Variants in TRPM3 observed in about 807,000 individuals in gnomAD.
TRPM3 encodes transient receptor potential cation channel subfamily M member 3.
A neutral mutation model predicts 181.2 loss-of-function variants in TRPM3; 77 were observed. That is an observed-to-expected ratio of 0.42 (90% CI 0.35 to 0.51). The LOEUF is 0.51. Among genes scored for constraint, TRPM3 ranks in the 20% least tolerant of loss-of-function variants. The probability of loss-of-function intolerance (pLI) is 0.01; values close to 1 mark genes in which losing one functional copy is unlikely to be tolerated. For missense variants in TRPM3, 1,759 were observed against 2,196.7 expected (o/e 0.80, Z 3.98); for synonymous variants, 745 against 796.4 (o/e 0.94, Z 1.09).
At chr9:70,989,246 A>G (rs898478333) in intron 1 of TRPM3, among the ~76,000 whole-genome samples, 1 of 152,230 alleles carries the variant, frequency 6.6e-6, no homozygotes, top group Non-Finnish European at 1.5e-5. Context: ...CTAAGCTTAT[A>G]TCTATAACAT....
chr9:71,338,853 G>C (rs1198306728), intron 1 of TRPM3, among the ~76,000 whole-genome samples: 1 of 152,108 alleles, frequency 6.6e-6, no homozygotes, highest in Non-Finnish European at 1.5e-5. Context: ...ACAAGGCAAA[G>C]ATGTCGAATA....
At chr9:70,578,369 T>G (rs1193136264) in intron 22 of TRPM3, among the ~76,000 whole-genome samples, 1 of 152,034 alleles carries the variant, frequency 6.6e-6, no homozygotes, top group African/African-American at 2.4e-5. Flanking sequence ...TGTTGAAGTT[T>G]GCTAGACTCC....
intron 3 of TRPM3, among the ~76,000 whole-genome samples, chr9:70,848,976 C>CAAAAA (rs749477799): frequency 3.3e-4 from 4 of 11,968 alleles, no homozygotes; most frequent in Non-Finnish European, 4.7e-4. Flanking sequence ...GACTCCGTCT[C>CAAAAA]AAAAAAAAAA....
At chr9:71,370,833 C>T (rs1299494484) in intron 1 of TRPM3, among the ~76,000 whole-genome samples, 1 of 152,162 alleles carries the variant, frequency 6.6e-6, no homozygotes, top group Non-Finnish European at 1.5e-5. Flanking sequence ...GAAGTCAATT[C>T]TTCAAAGTTT....
intron 8 of TRPM3, among the ~76,000 whole-genome samples, chr9:70,745,818 A>G (rs1398754785): frequency 6.6e-6 from 1 of 152,158 alleles, no homozygotes; most frequent in Non-Finnish European, 1.5e-5. Flanking sequence ...TGTCCACTAA[A>G]ATGATCAAGA....
chr9:71,193,604 T>G (rs2078164534), intron 1 of TRPM3, among the ~76,000 whole-genome samples: 1 of 151,884 alleles, frequency 6.6e-6, no homozygotes. Context: ...CTGAAATTTA[T>G]CTATTAAATC....
At chr9:71,217,096 G>A (rs1051361515) in intron 1 of TRPM3, among the ~76,000 whole-genome samples, 4 of 150,818 alleles carry the variant, frequency 2.7e-5, no homozygotes, top group Non-Finnish European at 4.4e-5. Context: ...GACTACAGGC[G>A]CCCGCTACCA....
At chr9:71,276,167 TG>T (rs1430516463) in intron 1 of TRPM3, among the ~76,000 whole-genome samples, 1 of 152,128 alleles carries the variant, frequency 6.6e-6, no homozygotes, top group African/African-American at 2.4e-5. Flanking sequence ...ACAAATAAAT[TG>T]CACTGGAACA....
At chr9:71,112,491 G>C (rs1210227879) in intron 1 of TRPM3, among the ~76,000 whole-genome samples, 1 of 151,992 alleles carries the variant, frequency 6.6e-6, no homozygotes, top group African/African-American at 2.4e-5. Context: ...TCAAGGTCAA[G>C]GTATTCTTTA....
intron 8 of TRPM3, among the ~76,000 whole-genome samples, chr9:70,739,881 G>T (rs2073656390): frequency 1.3e-5 from 2 of 152,218 alleles, no homozygotes; most frequent in Admixed American, 6.5e-5. Context: ...GCCTCCCAAA[G>T]TGCTGGGATT....
intron 1 of TRPM3, among the ~76,000 whole-genome samples, chr9:71,030,627 G>T (rs1318026964): frequency 6.6e-6 from 1 of 151,512 alleles, no homozygotes; most frequent in Admixed American, 6.6e-5. Context: ...CTAATCAGAT[G>T]CTAAATGACA....
chr9:70,615,353 C>T (rs1244881169), intron 18 of TRPM3, among the ~76,000 whole-genome samples: 1 of 152,230 alleles, frequency 6.6e-6, no homozygotes, highest in Non-Finnish European at 1.5e-5. Context: ...AAGAAGCTGT[C>T]CCATGTCCAG....
intron 1 of TRPM3, among the ~76,000 whole-genome samples, chr9:71,160,096 A>C (rs2076205102): frequency 6.6e-6 from 1 of 152,092 alleles, no homozygotes; most frequent in African/African-American, 2.4e-5. Flanking sequence ...CTCTAGTTAT[A>C]CTGGCCTCCA....
chr9:70,631,374 T>A (rs2133395391), intron 12 of TRPM3, among the ~76,000 whole-genome samples: 1 of 152,160 alleles, frequency 6.6e-6, no homozygotes, highest in Non-Finnish European at 1.5e-5. Flanking sequence ...TTTTTTTTTT[T>A]TTTTTTATTC....
intron 3 of TRPM3, among the ~76,000 whole-genome samples, chr9:70,850,972 A>G (rs10780977): frequency 6.6e-6 from 1 of 151,986 alleles, no homozygotes. Context: ...CATCTAAAGT[A>G]TAAAAATACT....
At chr9:71,186,854 C>T (rs887073208) in intron 1 of TRPM3, among the ~76,000 whole-genome samples, 12 of 151,926 alleles carry the variant, frequency 7.9e-5, no homozygotes, top group South Asian at 2.1e-4. Flanking sequence ...AAAAGTCTCT[C>T]GTTATGTCAA....
chr9:71,180,789 A>T, intron 1 of TRPM3, among the ~76,000 whole-genome samples: 1 of 152,116 alleles, frequency 6.6e-6, no homozygotes, highest in Non-Finnish European at 1.5e-5. Flanking sequence ...ACCCCAGTTA[A>T]ATCTTCTAAG....
At chr9:71,231,629 A>G (rs1225008988) in intron 1 of TRPM3, among the ~76,000 whole-genome samples, 42 of 152,204 alleles carry the variant, frequency 2.8e-4, no homozygotes, top group Admixed American at 2.7e-3. Flanking sequence ...TCCCCTTTGC[A>G]GCAACATGAT....
At chr9:70,982,675 G>A (rs531782217) in intron 1 of TRPM3, among the ~76,000 whole-genome samples, 3 of 152,202 alleles carry the variant, frequency 2.0e-5, no homozygotes, top group South Asian at 2.1e-4. Context: ...TCTCTTCAAA[G>A]ACAAACTTGT....
Sources: allele counts gnomAD v4.1 joint callset (sites outside exome capture counted in the v4.1 genomes callset), GRCh38; gene constraint gnomAD v4.1.1; transcripts MANE v1.5; gene names NCBI Gene and HGNC (gene_info 2026-07-23, HGNC 2026-07-21).